The following LRBA variants were observed in gnomAD, a reference collection of about 807,000 sequenced individuals.
LRBA encodes LPS responsive beige-like anchor protein, also known as lipopolysaccharide-responsive and beige-like anchor protein.
A neutral mutation model predicts 330.0 loss-of-function variants in LRBA; 176 were observed. That is an observed-to-expected ratio of 0.53 (90% CI 0.47 to 0.60). LRBA has a LOEUF of 0.60. Ranked by LOEUF, LRBA falls within the 20% of genes least tolerant of loss-of-function variation. LRBA has a pLI of 0.00. For missense variants in LRBA, 3,259 were observed against 3,444.8 expected (o/e 0.95, Z 1.35); for synonymous variants, 1,230 against 1,193.0 (o/e 1.03, Z -0.64).
intron 36 of LRBA, among the ~76,000 whole-genome samples, chr4:150,715,560 C>T (rs1728076249): frequency 6.6e-6 from 1 of 152,166 alleles, no homozygotes; most frequent in African/African-American, 2.4e-5. Context: ...CACATAAAAA[C>T]TACATTGTTT....
intron 47 of LRBA, among the ~76,000 whole-genome samples, chr4:150,378,106 T>A (rs1037074923): frequency 6.6e-6 from 1 of 152,196 alleles, no homozygotes; most frequent in Non-Finnish European, 1.5e-5. Flanking sequence ...TGAATAGCAT[T>A]CAAAATTATG....
intron 26 of LRBA, among the ~76,000 whole-genome samples, chr4:150,847,882 A>C (rs1750056806): frequency 6.6e-6 from 1 of 152,218 alleles, no homozygotes; most frequent in African/African-American, 2.4e-5. Flanking sequence ...AAATTACCAC[A>C]GCTTTTTTGA....
At chr4:150,867,618 C>A (rs1290205501) in intron 22 of LRBA, 53 bp downstream of exon 22, 2 of 1,399,274 alleles carry the variant, frequency 1.4e-6, no homozygotes, top group African/African-American at 3.0e-5. Context: ...GACTAAAATT[C>A]AAAAATTATA....
intron 40 of LRBA, among the ~76,000 whole-genome samples, chr4:150,525,225 T>C (rs150112590): frequency 6.6e-6 from 1 of 152,176 alleles, no homozygotes; most frequent in East Asian, 1.9e-4. Context: ...TAAAAAAAAC[T>C]GAAGAAAATA....
At chr4:150,433,360 G>C (rs1750682091) in intron 46 of LRBA, among the ~76,000 whole-genome samples, 1 of 151,690 alleles carries the variant, frequency 6.6e-6, no homozygotes, top group South Asian at 2.1e-4. Context: ...AAAGGCTGAG[G>C]TTCAGGAAAA....
chr4:150,426,469 C>T (rs1749625074), intron 46 of LRBA, among the ~76,000 whole-genome samples: 1 of 151,960 alleles, frequency 6.6e-6, no homozygotes, highest in Admixed American at 6.6e-5. Context: ...CTTACTGTCA[C>T]ATGTACTCAA....
chr4:150,408,936 AT>A (rs1314272131), intron 47 of LRBA, among the ~76,000 whole-genome samples: 7 of 151,738 alleles, frequency 4.6e-5, no homozygotes, highest in Non-Finnish European at 5.9e-5. Flanking sequence ...TCCAATTAAA[AT>A]TTTTTTCCCC....
chr4:150,910,764 GA>G (rs146287199), intron 9 of LRBA, among the ~76,000 whole-genome samples: 10,853 of 152,072 alleles, frequency 0.071, 691 homozygotes, highest in African/African-American at 0.18. Flanking sequence ...AGGTAGTATG[GA>G]TTTTTAGCAT....
At chr4:150,776,667 GC>G (rs1268657935) in intron 34 of LRBA, among the ~76,000 whole-genome samples, 1 of 151,988 alleles carries the variant, frequency 6.6e-6, no homozygotes, top group Admixed American at 6.6e-5. Flanking sequence ...ACAAAAATTA[GC>G]CGGGCATGGT....
At chr4:150,569,940 C>T (rs1769628296) in intron 40 of LRBA, among the ~76,000 whole-genome samples, 1 of 152,076 alleles carries the variant, frequency 6.6e-6, no homozygotes, top group Admixed American at 6.6e-5. Context: ...AACATTAAAT[C>T]GCACACCAGA....
intron 37 of LRBA, among the ~76,000 whole-genome samples, chr4:150,631,526 G>A (rs2054648539): frequency 6.6e-6 from 1 of 152,114 alleles, no homozygotes; most frequent in South Asian, 2.1e-4. Flanking sequence ...TTTAAGATGA[G>A]AATAAATTGT....
chr4:150,903,398 A>G (rs1368932519), intron 13 of LRBA, among the ~76,000 whole-genome samples: 3 of 152,066 alleles, frequency 2.0e-5, no homozygotes, highest in African/African-American at 7.2e-5. Context: ...AAGAAATGGA[A>G]AACTGGAGAA....
chr4:150,547,241 C>A (rs921343270), intron 40 of LRBA, among the ~76,000 whole-genome samples: 2 of 152,024 alleles, frequency 1.3e-5, no homozygotes, highest in Non-Finnish European at 2.9e-5. Context: ...GATTGTTAAA[C>A]AGATTAACTT....
At chr4:150,775,625 G>A (rs900817047) in intron 34 of LRBA, among the ~76,000 whole-genome samples, 1 of 151,880 alleles carries the variant, frequency 6.6e-6, no homozygotes, top group African/African-American at 2.4e-5. Flanking sequence ...GGAAAAAGGG[G>A]ACTCTAGGTG....
chr4:150,922,415 T>C (rs1163419270), intron 4 of LRBA, among the ~76,000 whole-genome samples: 1 of 149,334 alleles, frequency 6.7e-6, no homozygotes, highest in African/African-American at 2.4e-5. Context: ...TATATATATA[T>C]ATGATGGAAT....
chr4:150,681,882 A>T (rs544875430), intron 37 of LRBA, among the ~76,000 whole-genome samples: 1 of 152,256 alleles, frequency 6.6e-6, no homozygotes, highest in East Asian at 1.9e-4. Context: ...TTTCTAGATA[A>T]ATACATTTCA....
At chr4:150,366,497 CAAGAGTTAATTGA>C (rs544461239) in intron 47 of LRBA, among the ~76,000 whole-genome samples, 1 of 152,204 alleles carries the variant, frequency 6.6e-6, no homozygotes, top group East Asian at 1.9e-4. Context: ...AACAGCATGG[CAAGAGTTAATTGA>C]AACATTCCTG....
Position 150,928,517 on chromosome 4 carries a change from C to A in LRBA, c.548G>T (p.Trp183Leu), listed in dbSNP as rs2149508231. The A allele has an allele frequency of 1.2e-6, 2 of 1,608,378 alleles. No homozygotes were observed. Among genetic ancestry groups the A allele is most frequent in the Non-Finnish European group, 8.5e-7 (1 of 1,176,384 alleles). Residue 183 changes from tryptophan to leucine, a missense_variant and splice_region_variant, in exon 4 of 57, where the codon TGG (tryptophan) becomes TTG (leucine). Coordinates refer to ENST00000651943, the MANE Select transcript of LRBA (RefSeq NM_001364905.1). ...FSKLQGDKGRWPPHAGKLLSV... is the reference protein window; with the variant it reads ...FSKLQGDKGRLPPHAGKLLSV... ...CAAAGAGTACTTAAGTTTTTTTACC[C>A]ATCGTCCTTTATCTCCTTGAAGTTT... is the stretch of plus-strand genomic sequence containing the variant.
chr4:150,328,301 T>C (rs149088654), intron 48 of LRBA, among the ~76,000 whole-genome samples: 436 of 152,276 alleles, frequency 2.9e-3, no homozygotes, highest in African/African-American at 9.6e-3. Context: ...TCTAGGTCAG[T>C]ATGTCCAATG....
Sources: gnomAD v4.1 joint callset for allele counts (sites outside exome capture counted in the v4.1 genomes callset) on GRCh38, gnomAD v4.1.1 for gene constraint, MANE v1.5 for transcripts, NCBI Gene and HGNC (gene_info 2026-07-23, HGNC 2026-07-21) for gene names.